Variants in NGEF observed in about 807,000 individuals in gnomAD.
The protein encoded by NGEF is neuronal guanine nucleotide exchange factor.
NGEF carries 31 observed loss-of-function variants against 80.9 expected under a neutral mutation model. The observed-to-expected ratio is 0.38, with a 90% CI of 0.29 to 0.52. NGEF has a LOEUF of 0.52. Ranked by LOEUF, NGEF falls within the 20% of genes least tolerant of loss-of-function variation. The probability of loss-of-function intolerance (pLI) is 0.84; values close to 1 mark genes in which losing one functional copy is unlikely to be tolerated. For synonymous variants in NGEF, 371 were observed against 370.2 expected, an observed-to-expected ratio of 1.00 and a Z score of -0.03; for missense variants, 709 against 926.2, an observed-to-expected ratio of 0.77 and a Z score of 3.04.
intron 3 of NGEF, among the ~76,000 whole-genome samples, chr2:232,934,174 A>C (rs1442104125): frequency 6.8e-6 from 1 of 147,266 alleles, no homozygotes. Flanking sequence ...CCCAGGAGGC[A>C]GGGGTTGCAG....
At chr2:232,906,988 C>T (rs1268909345) in intron 5 of NGEF, among the ~76,000 whole-genome samples, 2 of 150,620 alleles carry the variant, frequency 1.3e-5, no homozygotes, top group Non-Finnish European at 3.0e-5. Context: ...AGGCAGCATG[C>T]TCGTTAAGAG....
rs993155586 is a variant in NGEF at position 232,930,380 on chromosome 2, C to T, written c.384-3194G>A. ...TGTTGCCCAGGCTGGAGTGCAATGG[C>T]GCGATCTCGGCTTACTGCAACTTCT... On this transcript the variant is annotated intron_variant, in intron 3 of 14. Coordinates refer to ENST00000264051, the MANE Select transcript of NGEF (RefSeq NM_019850.3). 2.6e-5 allele frequency among the ~76,000 whole-genome samples: 4 copies of T among 151,346 alleles called. No homozygotes were observed. The South Asian group carries it at 6.3e-4, about 24-fold the overall frequency.
intron 3 of NGEF, among the ~76,000 whole-genome samples, chr2:232,946,028 CTATATGCAATATAGA>C (rs1285661375): frequency 6.7e-6 from 1 of 148,302 alleles, no homozygotes; most frequent in African/African-American, 2.5e-5. Context: ...CTATATATAT[CTATATGCAATATAGA>C]TATATGCAAT....
chr2:232,900,503 T>C, intron 5 of NGEF, among the ~76,000 whole-genome samples: 1 of 107,838 alleles, frequency 9.3e-6, no homozygotes, highest in African/African-American at 3.9e-5. Context: ...CATATACACG[T>C]TCACTCACAT....
chr2:233,003,638 C>A (rs1171135749), intron 1 of NGEF, among the ~76,000 whole-genome samples: 2 of 152,258 alleles, frequency 1.3e-5, no homozygotes, highest in East Asian at 3.9e-4. Flanking sequence ...GTTCATCCAT[C>A]GGCTCCTTTC....
At chr2:232,945,000 T>C (rs1382079679) in intron 3 of NGEF, among the ~76,000 whole-genome samples, 1 of 151,802 alleles carries the variant, frequency 6.6e-6, no homozygotes, top group Non-Finnish European at 1.5e-5. Context: ...GATCTGTCCA[T>C]CTTGGCCTCT....
chr2:232,910,378 A>G (rs1035319817), intron 5 of NGEF, among the ~76,000 whole-genome samples: 3 of 151,872 alleles, frequency 2.0e-5, no homozygotes, highest in South Asian at 2.1e-4. Context: ...CTCCTATGAG[A>G]AATACAGCTG....
At chr2:232,924,294 C>A (rs147565765) in intron 4 of NGEF, among the ~76,000 whole-genome samples, 1 of 152,098 alleles carries the variant, frequency 6.6e-6, no homozygotes, top group Non-Finnish European at 1.5e-5. Flanking sequence ...AGCCGCCTGG[C>A]CCCTTCCGTC....
intron 5 of NGEF, among the ~76,000 whole-genome samples, chr2:232,906,403 C>T (rs1476324801): frequency 9.1e-6 from 1 of 109,962 alleles, no homozygotes; most frequent in African/African-American, 3.4e-5. Flanking sequence ...GTGGGGGGGT[C>T]AGCCCCCCGC....
chr2:232,956,976 G>A (rs1693845763), intron 3 of NGEF, among the ~76,000 whole-genome samples: 1 of 151,708 alleles, frequency 6.6e-6, no homozygotes, highest in Non-Finnish European at 1.5e-5. Flanking sequence ...AATTAAAGGG[G>A]GAAAAAAGAT....
intron 5 of NGEF, among the ~76,000 whole-genome samples, chr2:232,902,162 C>T (rs1392195485): frequency 6.6e-6 from 1 of 152,236 alleles, no homozygotes; most frequent in Non-Finnish European, 1.5e-5. Flanking sequence ...CCCAGGATGA[C>T]TCAACAGCAA....
chr2:232,897,670 G>A (rs147389247), intron 5 of NGEF, among the ~76,000 whole-genome samples: 5 of 152,300 alleles, frequency 3.3e-5, no homozygotes, highest in East Asian at 1.9e-4. Context: ...TGCAGACCCC[G>A]AACCACCATC....
chr2:233,013,147 C>A lies in NGEF; in HGVS notation c.-154G>T, dbSNP rs776706538. 26 of 471,272 alleles carry A rather than the reference C, an allele frequency of 5.5e-5. No individual in the cohort carries two copies. In the East Asian group the frequency reaches 1.7e-3, roughly 31 times the overall value. The allele number at this position is 471,272 out of a possible 1,614,324, so 29.2% of individuals were successfully genotyped here. ...GTCCCCTGTCCTGTCCAGGCACCTG[C>A]GAGCAGGATGGTGTGTCCCCGGCTA... On this transcript the variant is annotated 5_prime_UTR_variant, in exon 1 of 15. Transcript: ENST00000264051.
intron 3 of NGEF, among the ~76,000 whole-genome samples, chr2:232,965,950 C>T (rs1384037454): frequency 6.6e-6 from 1 of 152,142 alleles, no homozygotes; most frequent in East Asian, 1.9e-4. Flanking sequence ...CCCACTTCAC[C>T]CTGCTCTGTA....
At chr2:232,964,164 T>C (rs1694010851) in intron 3 of NGEF, among the ~76,000 whole-genome samples, 1 of 152,174 alleles carries the variant, frequency 6.6e-6, no homozygotes, top group Non-Finnish European at 1.5e-5. Context: ...TACAACCATT[T>C]TGAGAAATTA....
chr2:232,881,332 G>A, intron 13 of NGEF, 82 bp from the exon 14 acceptor site: 2 of 1,054,430 alleles, frequency 1.9e-6, no homozygotes, highest in Non-Finnish European at 2.9e-6. Context: ...GCTGAGCCCT[G>A]CCTAGAATAG....
intron 1 of NGEF, among the ~76,000 whole-genome samples, chr2:232,988,503 A>G (rs1694585149): frequency 6.6e-6 from 1 of 152,216 alleles, no homozygotes; most frequent in Non-Finnish European, 1.5e-5. Context: ...GGCAGCAGGC[A>G]GCCGCCATCC....
chr2:232,927,263 C>T, intron 3 of NGEF, 77 bp from the exon 4 acceptor site: 4 of 1,449,624 alleles, frequency 2.8e-6, no homozygotes, highest in South Asian at 2.8e-5. Context: ...GAGGGGCGTG[C>T]GCACAGGCGG....
intron 5 of NGEF, among the ~76,000 whole-genome samples, chr2:232,905,337 C>T (rs570911882): frequency 3.0e-4 from 46 of 151,136 alleles, no homozygotes; most frequent in African/African-American, 1.0e-3. Context: ...CTCCTAACCG[C>T]GAGTGATCCG....
Sources: gnomAD v4.1 joint callset for allele counts (sites outside exome capture counted in the v4.1 genomes callset) on GRCh38, gnomAD v4.1.1 for gene constraint, MANE v1.5 for transcripts, NCBI Gene and HGNC (gene_info 2026-07-23, HGNC 2026-07-21) for gene names.